Variants in NRDE2 observed in about 807,000 individuals in gnomAD.
The protein encoded by NRDE2 is nuclear exosome regulator NRDE2.
Under a neutral mutation model 124.2 loss-of-function variants are expected in NRDE2, and 76 were observed. That is an observed-to-expected ratio of 0.61 (90% confidence interval 0.51 to 0.74). The LOEUF (loss-of-function observed/expected upper bound fraction) is 0.74, where lower values mean the gene tolerates loss of function less well. NRDE2 is among the 30% of genes least tolerant of loss of function. The pLI is 0.00. For missense variants in NRDE2, 1,314 were observed against 1,417.3 expected (o/e 0.93, Z 1.17); for synonymous variants, 489 against 528.1 (o/e 0.93, Z 1.01).
Position 90,288,603 on chromosome 14 carries a change from C to T in NRDE2, c.2772G>A (p.Val924=), listed in dbSNP as rs372445435. 9.9e-6 allele frequency: 16 copies of T among 1,614,066 alleles called. No individual in the cohort carries two copies. The highest frequency in any genetic ancestry group is 1.4e-5 in the Non-Finnish European group (16 of 1,180,046). ...TTGCAAACACCTGTTCGTATATCTG[C>T]ACAGCAGCATCAATCCCTATGGTCA... ...QYLTIGIDAA[V]QIYEQVFAKL... Residue 924 remains valine, a synonymous_variant, in exon 11 of 14, where the codon GTG becomes GTA. Transcript: ENST00000354366.
At chr14:90,284,050 A>ATGTGCCCATTATTCCTGAG (rs1176038870) in intron 12 of NRDE2, among the ~76,000 whole-genome samples, 7 of 151,984 alleles carry the variant, frequency 4.6e-5, no homozygotes, top group African/African-American at 1.7e-4. Context: ...GCCCCCAAGA[A>ATGTGCCCATTATTCCTGAG]TGTGCCCATT....
In NRDE2 at chr14:90,268,715, C is replaced by G; in HGVS notation, c.*9621G>C. 1 of 283,284 alleles carries G rather than the reference C, an allele frequency of 3.5e-6. No individual in the cohort carries two copies. Among genetic ancestry groups the G allele is most frequent in the East Asian group, 6.7e-5 (1 of 15,034 alleles). The allele number at this position is 283,284 out of a possible 1,614,324, so 17.5% of individuals were successfully genotyped here. A position where few individuals can be genotyped will look rare whatever the true frequency, so the allele number is the denominator to read the frequency against. ...CAAGTCTCTGCCCTGGAGGAGCTCACAGGTTGTAGGGATCAGATACCAAAC... is the reference window on the plus strand; with the variant it reads ...CAAGTCTCTGCCCTGGAGGAGCTCAGAGGTTGTAGGGATCAGATACCAAAC... On this transcript the variant is annotated 3_prime_UTR_variant, in exon 14 of 14. Coordinates refer to ENST00000354366, the MANE Select transcript of NRDE2 (RefSeq NM_017970.4).
At chr14:90,318,244 C>T (rs996593170) in intron 1 of NRDE2, 131 bp from the exon 2 acceptor site, 19 of 647,292 alleles carry the variant, frequency 2.9e-5, no homozygotes, top group Non-Finnish European at 5.1e-5. Context: ...AACAGTCAGT[C>T]CAAAGTCCAC....
chr14:90,321,347 G>A (rs1328601874), intron 1 of NRDE2, among the ~76,000 whole-genome samples: 65 of 151,926 alleles, frequency 4.3e-4, no homozygotes, highest in Non-Finnish European at 8.8e-5. Flanking sequence ...GACTATAGGC[G>A]TGCCACCACT....
rs988803373 is a variant in NRDE2, at chr14:90,290,220, C to A, written c.2229+1G>T. ...ACATGGGAGGACGAGTCTGGAATTA[C>A]CTTTGCAATCTCATACTGTAACCAG... is the stretch of plus-strand genomic sequence containing the variant. On this transcript the variant is annotated splice_donor_variant, in intron 10 of 13. Transcript: ENST00000354366. LOFTEE classifies it high-confidence loss of function. 6.2e-7 allele frequency: 1 copy of A among 1,611,096 alleles called. No individual in the cohort carries two copies. Among genetic ancestry groups the A allele is most frequent in the Non-Finnish European group, 8.5e-7 (1 of 1,177,710 alleles).
chr14:90,294,957 G>A (rs1343128361), intron 8 of NRDE2, among the ~76,000 whole-genome samples: 1 of 152,154 alleles, frequency 6.6e-6, no homozygotes, highest in Non-Finnish European at 1.5e-5. Flanking sequence ...GGGGGAAGGG[G>A]CAGACGTGGC....
At chr14:90,319,610 T>A (rs1885171996) in intron 1 of NRDE2, among the ~76,000 whole-genome samples, 1 of 152,220 alleles carries the variant, frequency 6.6e-6, no homozygotes, top group African/African-American at 2.4e-5. Flanking sequence ...CGTGGTCTTT[T>A]GTAACTTACC....
At position 90,269,316 on chromosome 14, in the gene NRDE2, C is replaced by A; in HGVS notation, c.*9020G>T. 8.0e-7 allele frequency: 1 copy of A among 1,253,326 alleles called. No homozygotes were observed. Among genetic ancestry groups the A allele is most frequent in the Non-Finnish European group, 1.1e-6 (1 of 907,300 alleles). The allele number at this position is 1,253,326 out of a possible 1,614,324, so 77.6% of individuals were successfully genotyped here. A position where few individuals can be genotyped will look rare whatever the true frequency, so the allele number is the denominator to read the frequency against. ...AGGAATGTTTGTTAAGGTGTTTTGTCACAATGAGGTCTTTGCTGTAATTCC... is the reference window on the plus strand; with the variant it reads ...AGGAATGTTTGTTAAGGTGTTTTGTAACAATGAGGTCTTTGCTGTAATTCC... On this transcript the variant is annotated 3_prime_UTR_variant, in exon 14 of 14. Transcript: ENST00000354366.
intron 4 of NRDE2, among the ~76,000 whole-genome samples, chr14:90,311,931 A>G (rs1441015797): frequency 6.6e-6 from 1 of 152,218 alleles, no homozygotes; most frequent in Non-Finnish European, 1.5e-5. Flanking sequence ...AATATCATCT[A>G]TTTTTATGAT....
intron 1 of NRDE2, among the ~76,000 whole-genome samples, chr14:90,331,005 C>T (rs1183940730): frequency 6.6e-6 from 1 of 151,806 alleles, no homozygotes; most frequent in Non-Finnish European, 1.5e-5. Context: ...TGGCTCACTG[C>T]GGCCTCAAAC....
Position 90,288,684 on chromosome 14 carries a change from G to C in NRDE2, c.2691C>G (p.Thr897=). ...GGCTAATTAGGCGGCTACAGGAATC[G>C]GTGGGAGCTGGATTGGAGACACAGC... The part of the protein sequence containing the change: ...GDSCVSNPAP[T]DSCSRLISLA... Residue 897 remains threonine (T), a synonymous_variant, in exon 11 of 14, where the codon ACC becomes ACG. Coordinates refer to ENST00000354366, the MANE Select transcript of NRDE2 (RefSeq NM_017970.4). The C allele has an allele frequency of 6.2e-7, 1 of 1,614,176 alleles. No individual in the cohort carries two copies. Among genetic ancestry groups the C allele is most frequent in the Non-Finnish European group, 8.5e-7 (1 of 1,180,034 alleles).
At chr14:90,317,658 C>T (rs1044976405) in intron 2 of NRDE2, 2 of 168,970 alleles carry the variant, frequency 1.2e-5, no homozygotes, top group East Asian at 3.2e-4. Context: ...ATACAAGCTC[C>T]CTCTCTATTT....
At chr14:90,296,822 T>C (rs1884178835) in intron 8 of NRDE2, among the ~76,000 whole-genome samples, 1 of 152,202 alleles carries the variant, frequency 6.6e-6, no homozygotes, top group African/African-American at 2.4e-5. Flanking sequence ...ACCATTAATA[T>C]GTGGCTATCA....
intron 6 of NRDE2, among the ~76,000 whole-genome samples, chr14:90,302,421 C>T (rs1013936935): frequency 8.5e-5 from 13 of 152,112 alleles, no homozygotes; most frequent in Middle Eastern, 3.2e-3. Context: ...ACATGCATCT[C>T]GACAGATAAG....
chr14:90,328,830 A>G (rs1163686475), intron 1 of NRDE2, among the ~76,000 whole-genome samples: 1 of 152,236 alleles, frequency 6.6e-6, no homozygotes, highest in African/African-American at 2.4e-5. Context: ...GATCGATCAC[A>G]TGGAATGAAG....
In NRDE2 at chr14:90,286,275, C is replaced by T. The variant is rs144139217; in HGVS notation, c.3297+79G>A. Reference sequence around the variant, plus strand: ...GCTCTCCTGGGCAGGGGCTACTTCTCATTTCATAAATACCTTCTCATTTAT... The same window carrying T: ...GCTCTCCTGGGCAGGGGCTACTTCTTATTTCATAAATACCTTCTCATTTAT... On this transcript the variant is annotated intron_variant, in intron 12 of 13. Transcript: ENST00000354366. The T allele has an allele frequency of 1.4e-3, 2,169 of 1,502,640 alleles. 12 individuals are homozygous for T. The highest frequency in any genetic ancestry group is 0.011 in the Middle Eastern group (63 of 5,640). The allele number at this position is 1,502,640 out of a possible 1,614,324, so 93.1% of individuals were successfully genotyped here. A position where few individuals can be genotyped will look rare whatever the true frequency, so the allele number is the denominator to read the frequency against.
At chr14:90,287,130 G>GATTTATAAT (rs2139672385) in intron 11 of NRDE2, among the ~76,000 whole-genome samples, 1 of 146,978 alleles carries the variant, frequency 6.8e-6, no homozygotes, top group South Asian at 2.3e-4. Context: ...AAGACCTTTT[G>GATTTATAAT]ATTTATAATA....
In NRDE2 at chr14:90,282,881, G is replaced by T. The variant is rs538165551; in HGVS notation, c.3297+3473C>A. Among the ~76,000 whole-genome samples, 437 of 152,218 alleles carry T rather than the reference G, an allele frequency of 2.9e-3. 3 individuals are homozygous for T. The highest frequency in any genetic ancestry group is 0.01 in the African/African-American group (425 of 41,544). ...AGGGTTTCTCCATATTGGCCAGGCC[G>T]GTCTCGAACTCCCGAACTCCTTCAA... On this transcript the variant is annotated intron_variant, in intron 12 of 13. Coordinates refer to ENST00000354366, the MANE Select transcript of NRDE2 (RefSeq NM_017970.4).
chr14:90,295,290 T>C (rs1230694477), intron 8 of NRDE2, among the ~76,000 whole-genome samples: 1 of 152,144 alleles, frequency 6.6e-6, no homozygotes. Flanking sequence ...TTAAAACACA[T>C]AATATGTATA....
Sources: gnomAD v4.1 joint callset for allele counts (sites outside exome capture counted in the v4.1 genomes callset) on GRCh38, gnomAD v4.1.1 for gene constraint, MANE v1.5 for transcripts, NCBI Gene and HGNC (gene_info 2026-07-23, HGNC 2026-07-21) for gene names.